SPACA3: variants seen among roughly 807,000 people sequenced by gnomAD.
SPACA3 encodes sperm acrosome membrane-associated protein 3.
SPACA3 carries 21 observed loss-of-function variants against 24.5 expected under a neutral mutation model. The ratio of observed to expected loss-of-function variants is 0.86; its 90% CI spans 0.61 to 1.24. SPACA3 has a LOEUF of 1.24. Among genes scored for constraint, SPACA3 ranks in the 50% most tolerant of loss-of-function variants. The pLI, the probability that SPACA3 is intolerant of heterozygous loss-of-function variation, is 0.00. For missense variants in SPACA3, 278 were observed against 275.5 expected, an observed-to-expected ratio of 1.01 and a Z score of -0.06; for synonymous variants, 115 against 106.9, an observed-to-expected ratio of 1.08 and a Z score of -0.47.
chr17:32,992,186 C>CAAAAAAAAAAAAAAAAAAAAAA (rs10591674), intron 1 of SPACA3, among the ~76,000 whole-genome samples: 2 of 113,566 alleles, frequency 1.8e-5, no homozygotes, highest in African/African-American at 6.3e-5. Flanking sequence ...CACTTTTCTA[C>CAAAAAAAAAAAAAAAAAAAAAA]AAAAAAAAAA....
At position 32,997,729 on chromosome 17, in the gene SPACA3, A is replaced by T; in HGVS notation, c.599A>T (p.His200Leu). 1 of 1,614,172 alleles carries T rather than the reference A, an allele frequency of 6.2e-7. No homozygotes were observed. Among genetic ancestry groups the T allele is most frequent in the East Asian group, 2.2e-5 (1 of 44,886 alleles). The change falls in exon 5 of 5, where the codon CAC (histidine) becomes CTC (leucine). Residue 200 changes from histidine (H) to leucine (L), a missense_variant. Coordinates refer to ENST00000269053, the MANE Select transcript of SPACA3 (RefSeq NM_173847.5). ...ATCCTCAGGGAGGCCTGGAGGCATC[A>T]CTGCCAGGGAAAAGACCTCACTGAA... ...GLGYWEAWRH[H>L]CQGKDLTEWV...
chr17:32,992,808 T>A (rs1409676014), intron 1 of SPACA3: 1 of 446,292 alleles, frequency 2.2e-6, no homozygotes, highest in Non-Finnish European at 4.6e-6. Context: ...AATGAGGGAG[T>A]GGGCCGCAGG....
At chr17:32,994,415 A>G (rs2091710035) in intron 1 of SPACA3, among the ~76,000 whole-genome samples, 1 of 152,170 alleles carries the variant, frequency 6.6e-6, no homozygotes, top group Non-Finnish European at 1.5e-5. Flanking sequence ...TCCAACCCGA[A>G]CCTTGCTGCA....
At chr17:32,995,839 G>A in intron 2 of SPACA3, 122 bp downstream of exon 2, 1 of 1,167,276 alleles carries the variant, frequency 8.6e-7, no homozygotes, top group Non-Finnish European at 1.2e-6. Flanking sequence ...TCTGTAAACT[G>A]AAGATGATTT....
At chr17:32,996,111 GT>G (rs1471917398) in intron 2 of SPACA3, among the ~76,000 whole-genome samples, 1 of 152,328 alleles carries the variant, frequency 6.6e-6, no homozygotes, top group Admixed American at 6.5e-5. Context: ...GGGAAGGGCA[GT>G]CATACCGGGG....
rs1004984526 is a variant in SPACA3, at chr17:32,997,633, T to C, written c.582-79T>C. On this transcript the variant is annotated intron_variant, in intron 4 of 4. Transcript: ENST00000269053. ...CACTTCTGGTTTAGAGACCACACTC[T>C]CCTTCTTGTTCTTCTCTGGGCGGTG... The C allele has an allele frequency of 5.2e-6, 8 of 1,551,076 alleles. No homozygotes were observed. In the African/African-American group the frequency reaches 1.1e-4, roughly 21 times the overall value.
Position 32,995,549 on chromosome 17 carries a change from G to A in SPACA3, c.175G>A (p.Ala59Thr). The change falls in exon 2 of 5, where the codon GCT (alanine) becomes ACT (threonine). Residue 59 changes from alanine to threonine, a missense_variant. Ala to Thr is a moderately conservative substitution (Grantham distance 58, BLOSUM62 0). Transcript: ENST00000269053. ...SAAGIEARSR[A>T]LRRRWCPAGI... ...CGCCGGCATAGAAGCCAGGAGCAGG[G>A]CTCTCAGAAGGCGGTGGTGCCCAGC... 6.2e-7 allele frequency: 1 copy of A among 1,614,244 alleles called. No individual in the cohort carries two copies. Among genetic ancestry groups the A allele is most frequent in the Non-Finnish European group, 8.5e-7 (1 of 1,180,046 alleles).
intron 1 of SPACA3, among the ~76,000 whole-genome samples, 156 bp from the exon 2 acceptor site, chr17:32,995,253 T>C (rs1426844633): frequency 6.6e-6 from 1 of 152,146 alleles, no homozygotes; most frequent in Admixed American, 6.5e-5. Flanking sequence ...GTTAGTTTTC[T>C]TCCTGTCTCT....
At chr17:32,993,640 A>G (rs7207259) in intron 1 of SPACA3, among the ~76,000 whole-genome samples, 62,930 of 151,674 alleles carry the variant, frequency 0.41, 13,927 homozygotes, top group East Asian at 0.75. Context: ...GCGCGCGGTG[A>G]TGGCAGGGAG....
intron 1 of SPACA3, chr17:32,992,959 T>C (rs774951793): frequency 4.0e-5 from 19 of 469,540 alleles, no homozygotes; most frequent in Non-Finnish European, 7.1e-5. Context: ...CTTGGAAGAG[T>C]GGTTGAGACA....
chr17:32,995,504 G>T lies in SPACA3; in HGVS notation c.130G>T (p.Gly44Cys), dbSNP rs200979098. 2 of 1,614,224 alleles carry T rather than the reference G, an allele frequency of 1.2e-6. No homozygotes were observed. Among genetic ancestry groups the T allele is most frequent in the Middle Eastern group, 1.6e-4 (1 of 6,062 alleles). ...SSQSSALSQS[G>C]GGSTSAAGIE... ...CCAAAGCTCAGCTCTGAGCCAGAGT[G>T]GTGGTGGCTCCACCTCTGCCGCCGG... is the stretch of plus-strand genomic sequence containing the variant. The change falls in exon 2 of 5, where the codon GGT (glycine) becomes TGT (cysteine). Residue 44 changes from glycine (G) to cysteine (C), a missense_variant. Coordinates refer to ENST00000269053, the MANE Select transcript of SPACA3 (RefSeq NM_173847.5).
At chr17:32,992,229 G>C (rs2091694249) in intron 1 of SPACA3, among the ~76,000 whole-genome samples, 1 of 149,470 alleles carries the variant, frequency 6.7e-6, no homozygotes, top group Admixed American at 6.7e-5. Context: ...TCCATGTGTA[G>C]CAGTCAATTT....
intron 1 of SPACA3, chr17:32,993,014 C>G (rs1342444259): frequency 6.5e-6 from 3 of 459,306 alleles, no homozygotes; most frequent in South Asian, 4.8e-5. Flanking sequence ...AGGTGTGAAC[C>G]TAGGAAAGGA....
rs10591674 is a variant in SPACA3, at chr17:32,992,186, CAAAAAAA to C, written c.34+230_34+236del. 1.3e-4 allele frequency among the ~76,000 whole-genome samples: 15 copies of C among 113,554 alleles called. 1 individual carries two copies. Among genetic ancestry groups the C allele is most frequent in the African/African-American group, 4.7e-4 (15 of 31,804 alleles). 74.5% of individuals were successfully genotyped at this position (113,554 alleles called of 152,430 possible). A position where few individuals can be genotyped will look rare whatever the true frequency, so the allele number is the denominator to read the frequency against. The stretch of plus-strand genomic sequence containing the variant: ...GAATTCCTTTTAAGTCACTTTTCTA[CAAAAAAA>C]AAAAAAAAAAAAAAATCAAAAACAG... On this transcript the variant is annotated intron_variant, in intron 1 of 4. Transcript: ENST00000269053.
At chr17:32,994,694 G>T (rs550900542) in intron 1 of SPACA3, among the ~76,000 whole-genome samples, 1 of 152,254 alleles carries the variant, frequency 6.6e-6, no homozygotes, top group East Asian at 1.9e-4. Context: ...GCAGGGGAGG[G>T]ACTGGCTGAG....
At chr17:32,992,211 A>G (rs1327263462) in intron 1 of SPACA3, among the ~76,000 whole-genome samples, 1 of 149,896 alleles carries the variant, frequency 6.7e-6, no homozygotes, top group East Asian at 1.9e-4. Context: ...AAAAAAAATC[A>G]AAAACAGTCC....
rs981322277 is a variant in SPACA3, at chr17:32,995,703, A to G, written c.329A>G (p.Tyr110Cys). The G allele has an allele frequency of 4.3e-6, 7 of 1,613,110 alleles. No homozygotes were observed. Among genetic ancestry groups the G allele is most frequent in the Non-Finnish European group, 5.1e-6 (6 of 1,179,152 alleles). ...TTCGGGCTGGACGGATACCGGGGAT[A>G]CAGCCTGGCTGACTGTGAGAACCCC... The part of the protein sequence containing the change: ...HDFGLDGYRG[Y>C]SLADWVCLAY... Residue 110 changes from tyrosine (Y) to cysteine (C), a missense_variant, in exon 2 of 5, where the codon TAC becomes TGC. Coordinates refer to ENST00000269053, the MANE Select transcript of SPACA3 (RefSeq NM_173847.5).
chr17:32,996,875 A>C lies in SPACA3; in HGVS notation c.376A>C (p.Asn126His). ...VCLAYFTSGF[N>H]AAALDYEADG... Reference sequence around the variant, plus strand: ...CCTTGCTTATTTCACAAGCGGTTTCAACGCAGCTGCTTTGGACTACGAGGC... The same window carrying C: ...CCTTGCTTATTTCACAAGCGGTTTCCACGCAGCTGCTTTGGACTACGAGGC... The change falls in exon 3 of 5, where the codon AAC (asparagine) becomes CAC (histidine). Residue 126 changes from asparagine (N) to histidine (H), a missense_variant. By Grantham distance (68) the Asn-to-His change is moderately conservative (BLOSUM62 1). Transcript: ENST00000269053. The C allele has an allele frequency of 1.2e-6, 2 of 1,607,630 alleles. No homozygotes were observed. Among genetic ancestry groups the C allele is most frequent in the Admixed American group, 3.4e-5 (2 of 59,200 alleles).
chr17:32,995,952 G>C (rs1180076019), intron 2 of SPACA3, among the ~76,000 whole-genome samples: 1 of 152,174 alleles, frequency 6.6e-6, no homozygotes, highest in African/African-American at 2.4e-5. Context: ...TGCTGCTAAA[G>C]TCGGGGTCAA....
Sources: gnomAD v4.1 joint callset for allele counts (sites outside exome capture counted in the v4.1 genomes callset) on GRCh38, gnomAD v4.1.1 for gene constraint, MANE v1.5 for transcripts, NCBI Gene and HGNC (gene_info 2026-07-23, HGNC 2026-07-21) for gene names.